DYNC1I1: variants seen among roughly 807,000 people sequenced by gnomAD.
The protein encoded by DYNC1I1 is dynein cytoplasmic 1 intermediate chain 1.
Under a neutral mutation model 86.6 loss-of-function variants are expected in DYNC1I1, and 43 were observed. That is an observed-to-expected ratio of 0.50 (90% CI 0.39 to 0.64). The LOEUF (loss-of-function observed/expected upper bound fraction) is 0.64. DYNC1I1 is among the 30% of genes least tolerant of loss of function. The probability of loss-of-function intolerance (pLI) is 0.00; values close to 1 mark genes in which losing one functional copy is unlikely to be tolerated. For synonymous variants in DYNC1I1, 262 were observed against 283.7 expected (o/e 0.92, Z 0.77); for missense variants, 604 against 788.8 (o/e 0.77, Z 2.81).
chr7:95,984,390 A>G lies in DYNC1I1; in HGVS notation c.581-425A>G, dbSNP rs11977461. ...GGAAAGGTACTATGAGGATCATATT[A>G]TAGAGTGTTCCTAATTATTTAATAT... On this transcript the variant is annotated intron_variant, in intron 7 of 16. Coordinates refer to ENST00000447467, the MANE Select transcript of DYNC1I1 (RefSeq NM_001135556.2). Among the ~76,000 whole-genome samples the G allele has an allele frequency of 4.3e-3, 662 of 152,318 alleles. 7 individuals are homozygous for G. The highest frequency in any genetic ancestry group is 0.015 in the African/African-American group (630 of 41,582).
intron 6 of DYNC1I1, among the ~76,000 whole-genome samples, chr7:95,879,263 A>C (rs1790388519): frequency 6.6e-6 from 1 of 152,206 alleles, no homozygotes; most frequent in Non-Finnish European, 1.5e-5. Context: ...ATAAAACACT[A>C]TACCAATAAT....
At chr7:96,065,366 T>TTTTC (rs1336479543) in intron 14 of DYNC1I1, among the ~76,000 whole-genome samples, 10 of 141,138 alleles carry the variant, frequency 7.1e-5, no homozygotes, top group East Asian at 4.4e-4. Context: ...TCTTTTCTTT[T>TTTTC]TTTCTTTCTT....
At position 95,996,091 on chromosome 7, in the gene DYNC1I1, A is replaced by G. The variant is rs1323144030; in HGVS notation, c.969+18A>G. 1 of 1,613,966 alleles carries G rather than the reference A, an allele frequency of 6.2e-7. No individual in the cohort carries two copies. The highest frequency in any genetic ancestry group is 1.1e-5 in the South Asian group (1 of 91,072). On this transcript the variant is annotated intron_variant, in intron 10 of 16. Coordinates refer to ENST00000447467, the MANE Select transcript of DYNC1I1 (RefSeq NM_001135556.2). The stretch of plus-strand genomic sequence containing the variant: ...ACTGTCAGGTAGGAGTCAGCGTAGT[A>G]AAAATAACTTACATCTCCTGCTAGA...
At chr7:95,850,910 T>C (rs1305506260) in intron 5 of DYNC1I1, among the ~76,000 whole-genome samples, 1 of 152,124 alleles carries the variant, frequency 6.6e-6, no homozygotes, top group African/African-American at 2.4e-5. Context: ...TTAAGTAAAA[T>C]AAGGGTTACT....
intron 12 of DYNC1I1, among the ~76,000 whole-genome samples, chr7:96,034,069 A>G (rs1283797397): frequency 6.6e-6 from 1 of 152,108 alleles, no homozygotes; most frequent in Non-Finnish European, 1.5e-5. Flanking sequence ...ACAAAAGGAA[A>G]TATGGAAACT....
At position 96,097,547 on chromosome 7, in the gene DYNC1I1, A is replaced by G; in HGVS notation, c.1841A>G (p.Asn614Ser). The G allele has an allele frequency of 6.2e-7, 1 of 1,613,822 alleles. No individual in the cohort carries two copies. Among genetic ancestry groups the G allele is most frequent in the Non-Finnish European group, 8.5e-7 (1 of 1,179,782 alleles). ...FARTLVEIRA[N>S]RADSEEEGTV... ...AGGACCCTTGTGGAAATTCGTGCTA[A>G]CAGAGCTGATAGCGAGGAGGAAGGC... The change falls in exon 17 of 17, where the codon AAC becomes AGC. Residue 614 changes from asparagine (N) to serine (S), a missense_variant. Transcript: ENST00000447467.
chr7:95,918,120 T>C (rs1396541691), intron 6 of DYNC1I1, among the ~76,000 whole-genome samples: 1 of 152,238 alleles, frequency 6.6e-6, no homozygotes, highest in Non-Finnish European at 1.5e-5. Context: ...GGAGGTCAGC[T>C]GACCTTTCTG....
chr7:95,847,306 A>G (rs1317251634), intron 5 of DYNC1I1, among the ~76,000 whole-genome samples: 1 of 152,148 alleles, frequency 6.6e-6, no homozygotes, highest in African/African-American at 2.4e-5. Flanking sequence ...TCGTTAGACC[A>G]TCAATCACAG....
At chr7:96,076,651 C>T (rs1175423405) in intron 15 of DYNC1I1, among the ~76,000 whole-genome samples, 1 of 152,196 alleles carries the variant, frequency 6.6e-6, no homozygotes, top group Non-Finnish European at 1.5e-5. Context: ...AAAGACGATT[C>T]TGTTGACTAT....
intron 12 of DYNC1I1, among the ~76,000 whole-genome samples, chr7:96,034,421 C>G (rs983963125): frequency 1.3e-5 from 2 of 152,152 alleles, no homozygotes; most frequent in South Asian, 4.2e-4. Context: ...GCTCTAAGTC[C>G]GTTTGTATTA....
chr7:95,963,398 C>G (rs745542453), intron 6 of DYNC1I1, among the ~76,000 whole-genome samples: 2 of 152,108 alleles, frequency 1.3e-5, no homozygotes, highest in Non-Finnish European at 2.9e-5. Flanking sequence ...TTAGCCTATG[C>G]CTTCAATATA....
intron 5 of DYNC1I1, among the ~76,000 whole-genome samples, chr7:95,835,197 A>C (rs955946591): frequency 1.7e-4 from 17 of 97,382 alleles, no homozygotes; most frequent in Admixed American, 1.4e-3. Context: ...GTTTCAAAGA[A>C]CATCTTTATT....
At chr7:95,909,715 C>T (rs1297884209) in intron 6 of DYNC1I1, among the ~76,000 whole-genome samples, 9 of 152,070 alleles carry the variant, frequency 5.9e-5, no homozygotes, top group Admixed American at 5.9e-4. Context: ...TTTTTATGTA[C>T]AGAAAACTCA....
At chr7:96,098,891 G>T (rs180996033), downstream of DYNC1I1, among the ~76,000 whole-genome samples, 221 of 152,190 alleles carry the variant, frequency 1.5e-3, 1 homozygote, top group South Asian at 2.5e-3. Flanking sequence ...ACAGGCTTTC[G>T]GCTTTTTAGG....
intron 6 of DYNC1I1, among the ~76,000 whole-genome samples, chr7:95,943,336 A>G (rs1224130033): frequency 2.6e-5 from 4 of 151,806 alleles, no homozygotes; most frequent in East Asian, 3.9e-4. Context: ...GGACCTCTTC[A>G]AGGAGAACTA....
intron 6 of DYNC1I1, among the ~76,000 whole-genome samples, chr7:95,962,952 A>C (rs1044649216): frequency 1.3e-5 from 2 of 152,202 alleles, no homozygotes; most frequent in Non-Finnish European, 2.9e-5. Flanking sequence ...AGTTGAGTGG[A>C]TCAAATAGCA....
chr7:95,780,251 A>G (rs1390965704), intron 1 of DYNC1I1, among the ~76,000 whole-genome samples: 2 of 152,028 alleles, frequency 1.3e-5, no homozygotes, highest in African/African-American at 4.8e-5. Context: ...TTTGCCTACA[A>G]TCACTTAATC....
intron 6 of DYNC1I1, among the ~76,000 whole-genome samples, chr7:95,974,574 G>T (rs1224947186): frequency 2.0e-5 from 3 of 152,132 alleles, no homozygotes; most frequent in Non-Finnish European, 2.9e-5. Flanking sequence ...CTCCAGCCTG[G>T]AACAAGATCA....
rs549049498 is a variant in DYNC1I1, at chr7:95,850,222, G to C, written c.375-19661G>C. Among the ~76,000 whole-genome samples, 61 of 152,142 alleles carry C rather than the reference G, an allele frequency of 4.0e-4. 1 individual carries two copies. Among genetic ancestry groups the C allele is most frequent in the African/African-American group, 1.4e-3 (58 of 41,506 alleles). On this transcript the variant is annotated intron_variant, in intron 5 of 16. Transcript: ENST00000447467. ...TTTCTTTCTCTTGCCTAATTGTTTT[G>C]CTAGGACTTCCAGGACTATGCTGAA...
Sources: gnomAD v4.1 joint callset for allele counts (sites outside exome capture counted in the v4.1 genomes callset) on GRCh38, gnomAD v4.1.1 for gene constraint, MANE v1.5 for transcripts, NCBI Gene and HGNC (gene_info 2026-07-23, HGNC 2026-07-21) for gene names.